Variants in LMNTD1 observed in about 807,000 individuals in gnomAD.
LMNTD1 encodes lamin tail domain containing 1.
LMNTD1 carries 35 observed loss-of-function variants against 50.9 expected under a neutral mutation model. The ratio of observed to expected loss-of-function variants is 0.69; its 90% CI spans 0.53 to 0.91. The LOEUF (loss-of-function observed/expected upper bound fraction) is 0.91. Ranked by LOEUF, LMNTD1 falls within the 40% of genes least tolerant of loss-of-function variation. The pLI is 0.00. For synonymous variants in LMNTD1, 153 were observed against 161.9 expected, an observed-to-expected ratio of 0.94 and a Z score of 0.42; for missense variants, 470 against 475.5, an observed-to-expected ratio of 0.99 and a Z score of 0.11.
At chr12:25,541,009 C>T (rs1292380374) in intron 4 of LMNTD1, among the ~76,000 whole-genome samples, 1 of 129,310 alleles carries the variant, frequency 7.7e-6, no homozygotes, top group Non-Finnish European at 1.7e-5. Context: ...CCTAGGAATC[C>T]AACTTACAAG....
intron 1 of LMNTD1, among the ~76,000 whole-genome samples, chr12:25,609,596 T>C (rs1946197708): frequency 6.6e-6 from 1 of 152,234 alleles, no homozygotes; most frequent in African/African-American, 2.4e-5. Flanking sequence ...TGCAGGTCTG[T>C]TGGGGTTTGC....
intron 8 of LMNTD1, among the ~76,000 whole-genome samples, chr12:25,514,833 A>G (rs1940635015): frequency 6.6e-6 from 1 of 152,186 alleles, no homozygotes; most frequent in East Asian, 1.9e-4. Context: ...ACTATTAAAG[A>G]AGAACTTCAC....
intron 1 of LMNTD1, among the ~76,000 whole-genome samples, chr12:25,559,994 C>T (rs1412158900): frequency 1.3e-5 from 2 of 152,234 alleles, no homozygotes; most frequent in Admixed American, 6.5e-5. Context: ...CTGTAAGTTG[C>T]CTGTTCACTC....
intron 1 of LMNTD1, among the ~76,000 whole-genome samples, chr12:25,604,806 A>G (rs1200914370): frequency 6.6e-6 from 1 of 152,208 alleles, no homozygotes; most frequent in African/African-American, 2.4e-5. Flanking sequence ...TGCAATAAAC[A>G]TATGTGTGCA....
intron 3 of LMNTD1, 58 bp from the exon 4 acceptor site, chr12:25,546,612 A>T: frequency 1.3e-5 from 14 of 1,055,834 alleles, no homozygotes; most frequent in Non-Finnish European, 1.8e-5. Flanking sequence ...AATGACATTA[A>T]AAGGACCTAA....
intron 9 of LMNTD1, among the ~76,000 whole-genome samples, chr12:25,493,421 T>G (rs544945634): frequency 1.3e-5 from 2 of 152,270 alleles, no homozygotes; most frequent in African/African-American, 4.8e-5. Flanking sequence ...GTGCGAGGAA[T>G]TAAGAGTTAA....
At chr12:25,631,594 AG>A (rs893384803) in intron 1 of LMNTD1, among the ~76,000 whole-genome samples, 5 of 152,224 alleles carry the variant, frequency 3.3e-5, no homozygotes, top group African/African-American at 1.2e-4. Context: ...CCATAAGAAC[AG>A]GGGAAGAGTA....
chr12:25,478,188 G>A (rs1938333358), intron 9 of LMNTD1, among the ~76,000 whole-genome samples: 1 of 152,046 alleles, frequency 6.6e-6, no homozygotes, highest in Non-Finnish European at 1.5e-5. Flanking sequence ...ATCCAATCAA[G>A]TTGACACTCA....
chr12:25,521,168 T>C (rs1941291496), intron 6 of LMNTD1, among the ~76,000 whole-genome samples: 1 of 152,150 alleles, frequency 6.6e-6, no homozygotes, highest in South Asian at 2.1e-4. Flanking sequence ...TAGGGTGCTA[T>C]TTTATTTTGT....
At chr12:25,594,766 C>A (rs1372866312) in intron 1 of LMNTD1, among the ~76,000 whole-genome samples, 2 of 151,630 alleles carry the variant, frequency 1.3e-5, no homozygotes, top group Non-Finnish European at 2.9e-5. Context: ...CCTAAACGCT[C>A]CACTTAAAAG....
chr12:25,603,832 C>G (rs1946034933), intron 1 of LMNTD1, among the ~76,000 whole-genome samples: 1 of 151,872 alleles, frequency 6.6e-6, no homozygotes, highest in Non-Finnish European at 1.5e-5. Context: ...GGAAATTTTT[C>G]TCAAAAAGTG....
rs1941691407 is a variant in LMNTD1, at chr12:25,526,143, C to T, written c.754G>A (p.Ala252Thr). Residue 252 changes from alanine to threonine, a missense_variant, in exon 6 of 10, where the codon GCA becomes ACA. Ala to Thr is a moderately conservative substitution (Grantham distance 58). Transcript: ENST00000458174. ...AGGATTGTTATACAATCAGGACTTG[C>T]TCTAAACTTGTCTTGTTCCTTCCAA... is the stretch of plus-strand genomic sequence containing the variant. ...FLWKEQDKFR[A>T]SPDCITILCK... 1 of 1,610,622 alleles carries T rather than the reference C, an allele frequency of 6.2e-7. No homozygotes were observed.
At chr12:25,620,940 A>G (rs1299555992) in intron 1 of LMNTD1, among the ~76,000 whole-genome samples, 1 of 152,218 alleles carries the variant, frequency 6.6e-6, no homozygotes, top group African/African-American at 2.4e-5. Flanking sequence ...GAGAGAAACC[A>G]AAGCAATCAA....
chr12:25,603,622 C>A (rs1158660581), intron 1 of LMNTD1, among the ~76,000 whole-genome samples: 1 of 151,956 alleles, frequency 6.6e-6, no homozygotes, highest in Non-Finnish European at 1.5e-5. Flanking sequence ...TAAAGAAATT[C>A]TATTATACTA....
chr12:25,612,062 T>C (rs188770664), intron 1 of LMNTD1, among the ~76,000 whole-genome samples: 15 of 152,312 alleles, frequency 9.8e-5, no homozygotes, highest in Non-Finnish European at 1.8e-4. Flanking sequence ...GCCTTTAACA[T>C]AATTGTACCT....
At chr12:25,641,024 A>G (rs1258558793) in intron 1 of LMNTD1, among the ~76,000 whole-genome samples, 1 of 152,184 alleles carries the variant, frequency 6.6e-6, no homozygotes, top group Admixed American at 6.5e-5. Context: ...ATTTACTCAT[A>G]CTACAAACAT....
At chr12:25,477,007 G>A (rs1413158639) in intron 9 of LMNTD1, among the ~76,000 whole-genome samples, 1 of 152,156 alleles carries the variant, frequency 6.6e-6, no homozygotes, top group Non-Finnish European at 1.5e-5. Flanking sequence ...CTGAGGCAGC[G>A]TGACCCATAT....
chr12:25,516,761 T>G (rs1418254069), intron 8 of LMNTD1, among the ~76,000 whole-genome samples: 1 of 151,178 alleles, frequency 6.6e-6, no homozygotes, highest in Non-Finnish European at 1.5e-5. Context: ...ACCATCAGAG[T>G]GAACAGGCAA....
At chr12:25,521,288 T>C (rs1311303950) in intron 6 of LMNTD1, among the ~76,000 whole-genome samples, 4 of 152,164 alleles carry the variant, frequency 2.6e-5, no homozygotes, top group African/African-American at 9.7e-5. Context: ...CAAGAAATCA[T>C]TGCAAAGGAC....
Sources: allele counts gnomAD v4.1 joint callset (sites outside exome capture counted in the v4.1 genomes callset), GRCh38; gene constraint gnomAD v4.1.1; transcripts MANE v1.5; gene names NCBI Gene and HGNC (gene_info 2026-07-23, HGNC 2026-07-21).